KCTD16: variants seen among roughly 807,000 people sequenced by gnomAD.
KCTD16 encodes the protein BTB/POZ domain-containing protein KCTD16.
KCTD16 carries 13 observed loss-of-function variants against 33.2 expected under a neutral mutation model. The observed-to-expected ratio is 0.39, with a 90% CI of 0.25 to 0.62. The LOEUF is 0.62. Ranked by LOEUF, KCTD16 falls within the 20% of genes least tolerant of loss-of-function variation. KCTD16 has a pLI of 0.50. For synonymous variants in KCTD16, 197 were observed against 195.3 expected, an observed-to-expected ratio of 1.01 and a Z score of -0.07; for missense variants, 441 against 525.1, an observed-to-expected ratio of 0.84 and a Z score of 1.57.
chr5:144,304,405 A>G (rs754933060), intron 3 of KCTD16, among the ~76,000 whole-genome samples: 1 of 152,026 alleles, frequency 6.6e-6, no homozygotes, highest in Non-Finnish European at 1.5e-5. Context: ...CTTAAAAGGG[A>G]TATGAAGAAT....
chr5:144,176,779 C>A (rs182792615), intron 2 of KCTD16, among the ~76,000 whole-genome samples: 21 of 152,292 alleles, frequency 1.4e-4, no homozygotes, highest in Admixed American at 1.2e-3. Flanking sequence ...AAAATTACTG[C>A]AAGCGTGATA....
In KCTD16 at chr5:144,192,387, T is replaced by C. The variant is rs183205971; in HGVS notation, c.-326-14002T>C. ...TTCAATGTGATACACGATTTCATTCTATCAAGTTCTGCCTTTTTATAGTTT... is the reference window on the plus strand; with the variant it reads ...TTCAATGTGATACACGATTTCATTCCATCAAGTTCTGCCTTTTTATAGTTT... On this transcript the variant is annotated intron_variant, in intron 2 of 3. Transcript: ENST00000512467. 3.1e-4 allele frequency among the ~76,000 whole-genome samples: 47 copies of C among 152,378 alleles called. No homozygotes were observed. The East Asian group carries it at 8.5e-3, about 28-fold the overall frequency.
chr5:144,420,609 A>G (rs1436626194), intron 3 of KCTD16, among the ~76,000 whole-genome samples: 3 of 151,972 alleles, frequency 2.0e-5, no homozygotes, highest in Non-Finnish European at 4.4e-5. Context: ...GAGGCTGAGG[A>G]TTGAATCCAT....
chr5:144,218,089 T>C (rs1753620422), intron 3 of KCTD16, among the ~76,000 whole-genome samples: 1 of 152,194 alleles, frequency 6.6e-6, no homozygotes, highest in South Asian at 2.1e-4. Flanking sequence ...CTTTTATATG[T>C]CTTCTAGAAA....
intron 3 of KCTD16, among the ~76,000 whole-genome samples, chr5:144,233,073 A>AT (rs1041799808): frequency 2.0e-5 from 3 of 151,388 alleles, no homozygotes; most frequent in Non-Finnish European, 2.9e-5. Flanking sequence ...AAAACATGGA[A>AT]TTTTTTTTTC....
intron 3 of KCTD16, among the ~76,000 whole-genome samples, chr5:144,418,125 C>T (rs562675980): frequency 6.6e-6 from 1 of 152,252 alleles, no homozygotes; most frequent in East Asian, 1.9e-4. Flanking sequence ...GTAGGTTCTC[C>T]TGCCCTCACT....
chr5:144,234,120 C>T (rs1474818749), intron 3 of KCTD16, among the ~76,000 whole-genome samples: 4 of 152,092 alleles, frequency 2.6e-5, no homozygotes, highest in Admixed American at 2.6e-4. Flanking sequence ...CATCTGATGT[C>T]AAACAGGTGC....
chr5:144,296,663 T>C (rs1418558951), intron 3 of KCTD16, among the ~76,000 whole-genome samples: 1 of 152,184 alleles, frequency 6.6e-6, no homozygotes, highest in Non-Finnish European at 1.5e-5. Context: ...CGTCATCCTC[T>C]GGAGCATTTG....
chr5:144,251,019 G>A (rs1382316587), intron 3 of KCTD16, among the ~76,000 whole-genome samples: 1 of 152,014 alleles, frequency 6.6e-6, no homozygotes, highest in Non-Finnish European at 1.5e-5. Context: ...TTTTTACTTT[G>A]AGGAAATATT....
At chr5:144,413,407 A>G (rs1752976934) in intron 3 of KCTD16, among the ~76,000 whole-genome samples, 1 of 152,252 alleles carries the variant, frequency 6.6e-6, no homozygotes, top group Non-Finnish European at 1.5e-5. Context: ...CTGCCCTAGC[A>G]AATGAATACA....
At chr5:144,233,885 CA>C (rs1009041715) in intron 3 of KCTD16, among the ~76,000 whole-genome samples, 8 of 151,906 alleles carry the variant, frequency 5.3e-5, no homozygotes, top group Non-Finnish European at 1.2e-4. Context: ...AGGGAGGGAT[CA>C]AAAAATGCTA....
Position 144,221,236 on chromosome 5 carries a change from C to T in KCTD16, c.832+13690C>T, listed in dbSNP as rs145004955. ...ACATCTAGAGAATGTCTTAAGGATG[C>T]GTAATGAAGAAGAGAGACATTAAAT... On this transcript the variant is annotated intron_variant, in intron 3 of 3. Transcript: ENST00000512467. 3.0e-3 allele frequency among the ~76,000 whole-genome samples: 455 copies of T among 152,104 alleles called. 2 individuals are homozygous for T. The highest frequency in any genetic ancestry group is 6.8e-3 in the Middle Eastern group (2 of 294).
At position 144,476,465 on chromosome 5, in the gene KCTD16, C is replaced by T. The variant is rs1015651393; in HGVS notation, c.*2351C>T. ...GTGGCAGTGTTCCTCTGACCCCTGA[C>T]CTGTCATGAGTTTTCTCTGCTCTGA... On this transcript the variant is annotated 3_prime_UTR_variant, in exon 4 of 4. Transcript: ENST00000512467. 2 of 152,134 alleles carry T rather than the reference C, an allele frequency of 1.3e-5. No individual in the cohort carries two copies. Among genetic ancestry groups the T allele is most frequent in the African/African-American group, 4.8e-5 (2 of 41,428 alleles). The allele number at this position is 152,134 out of a possible 1,614,324, so 9.4% of individuals were successfully genotyped here. A position where few individuals can be genotyped will look rare whatever the true frequency, so the allele number is the denominator to read the frequency against.
At chr5:144,288,941 G>A (rs1049136608) in intron 3 of KCTD16, among the ~76,000 whole-genome samples, 4 of 152,144 alleles carry the variant, frequency 2.6e-5, no homozygotes, top group Non-Finnish European at 4.4e-5. Flanking sequence ...ACTTGAACCC[G>A]GGAGGCGGAG....
At chr5:144,271,043 G>A (rs1014532791) in intron 3 of KCTD16, among the ~76,000 whole-genome samples, 1 of 151,846 alleles carries the variant, frequency 6.6e-6, no homozygotes, top group Admixed American at 6.6e-5. Flanking sequence ...TTTCAACAAA[G>A]AAAAGCCCTG....
Position 144,176,399 on chromosome 5 carries a change from T to C in KCTD16, c.-327+1927T>C, listed in dbSNP as rs1356527362. On this transcript the variant is annotated intron_variant, in intron 2 of 3. Transcript: ENST00000512467. ...AGATATAGTGTTTCTTTTTTTTTTT[T>C]TTTTTTTTTTTTTTGAGACGGAGTC... Among the ~76,000 whole-genome samples, 69 of 142,180 alleles carry C rather than the reference T, an allele frequency of 4.9e-4. 1 individual carries two copies. Among genetic ancestry groups the C allele is most frequent in the East Asian group, 1.0e-3 (5 of 5,014 alleles). 93.3% of individuals were successfully genotyped at this position (142,180 alleles called of 152,430 possible).
At chr5:144,388,065 G>GTTTTTTTTTTTTTTTTTTTTTTTTTTTT (rs397999492) in intron 3 of KCTD16, among the ~76,000 whole-genome samples, 2 of 73,662 alleles carry the variant, frequency 2.7e-5, no homozygotes, top group African/African-American at 1.2e-4. Context: ...TTTAGAGCAA[G>GTTTTTTTTTTTTTTTTTTTTTTTTTTTT]TTTTTTTTTT....
rs376214038 is a variant in KCTD16 at position 144,386,048 on chromosome 5, C to CA, written c.833-87611dup. Among the ~76,000 whole-genome samples, 463 of 152,128 alleles carry CA rather than the reference C, an allele frequency of 3.0e-3. 2 individuals are homozygous for CA. Among genetic ancestry groups the CA allele is most frequent in the African/African-American group, 0.01 (428 of 41,496 alleles). ...TTTTTCATGTAAGCTTGTTGCCACT[C>CA]AGAGATATTATTTCCAGAAATGTGT... On this transcript the variant is annotated intron_variant, in intron 3 of 3. Coordinates refer to ENST00000512467, the MANE Select transcript of KCTD16 (RefSeq NM_020768.4).
At chr5:144,256,559 C>T (rs1463277123) in intron 3 of KCTD16, among the ~76,000 whole-genome samples, 2 of 150,376 alleles carry the variant, frequency 1.3e-5, no homozygotes, top group Non-Finnish European at 3.0e-5. Flanking sequence ...TTAAGAAGGA[C>T]AATATCAAGA....
Sources: allele counts gnomAD v4.1 joint callset (sites outside exome capture counted in the v4.1 genomes callset), GRCh38; gene constraint gnomAD v4.1.1; transcripts MANE v1.5; gene names NCBI Gene and HGNC (gene_info 2026-07-23, HGNC 2026-07-21).